The following LDLRAD3 variants were observed in gnomAD, a reference collection of about 807,000 sequenced individuals.
The protein encoded by LDLRAD3 is low density lipoprotein receptor class A domain containing 3.
In LDLRAD3, 20 loss-of-function variants were observed where a neutral mutation model predicts 29.4. The observed-to-expected ratio is 0.68, with a 90% confidence interval of 0.48 to 0.99. LDLRAD3 has a LOEUF of 0.99. LDLRAD3 is among the 50% of genes least tolerant of loss of function. The pLI is 0.00. For missense variants in LDLRAD3, 420 were observed against 454.3 expected, an observed-to-expected ratio of 0.92 and a Z score of 0.69; for synonymous variants, 157 against 192.7, an observed-to-expected ratio of 0.81 and a Z score of 1.53.
intron 1 of LDLRAD3, among the ~76,000 whole-genome samples, chr11:35,956,266 C>T (rs973941): frequency 0.45 from 67,857 of 151,984 alleles, 15,409 homozygotes; most frequent in East Asian, 0.58. Flanking sequence ...ACAGGAGGAT[C>T]GCTTGAGGCC....
At position 35,944,268 on chromosome 11, in the gene LDLRAD3, G is replaced by C; in HGVS notation, c.46+124G>C. 6 of 513,444 alleles carry C rather than the reference G, an allele frequency of 1.2e-5. No homozygotes were observed. Among genetic ancestry groups the C allele is most frequent in the Non-Finnish European group, 1.5e-5 (6 of 397,888 alleles). 31.8% of individuals were successfully genotyped at this position (513,444 alleles called of 1,614,324 possible). ...CCGCTCTCCGGGCGTGGGTGAGCGCGGAGGGCGGACCCCGGCGCCGGGCTG... is the reference window on the plus strand; with the variant it reads ...CCGCTCTCCGGGCGTGGGTGAGCGCCGAGGGCGGACCCCGGCGCCGGGCTG... On this transcript the variant is annotated intron_variant, in intron 1 of 5. Transcript: ENST00000315571. The surrounding 1 kb of genome is among the most constrained non-coding windows in gnomAD (Gnocchi z 4.9).
chr11:35,960,184 T>C (rs1851258346), intron 1 of LDLRAD3, among the ~76,000 whole-genome samples: 1 of 152,176 alleles, frequency 6.6e-6, no homozygotes, highest in Admixed American at 6.5e-5. Flanking sequence ...TTGAGTTCCA[T>C]CCCATTTATA....
chr11:36,176,630 T>C (rs1854679520), intron 4 of LDLRAD3, among the ~76,000 whole-genome samples: 1 of 152,192 alleles, frequency 6.6e-6, no homozygotes, highest in African/African-American at 2.4e-5. Flanking sequence ...TTAATCAGGC[T>C]AAAGCTAGGA....
chr11:36,061,152 C>A (rs955275632), intron 2 of LDLRAD3, among the ~76,000 whole-genome samples: 1 of 151,200 alleles, frequency 6.6e-6, no homozygotes, highest in Non-Finnish European at 1.5e-5. Context: ...CTTTTTTTTT[C>A]CCCTGAGACA....
In LDLRAD3 at chr11:35,980,020, T is replaced by C. The variant is rs12292000; in HGVS notation, c.46+35876T>C. The stretch of plus-strand genomic sequence containing the variant: ...TCTTGTCTTTAAAATAACAATGTGA[T>C]GGAAATTATTTAAAAATGAAGCCTT... On this transcript the variant is annotated intron_variant, in intron 1 of 5. Coordinates refer to ENST00000315571, the MANE Select transcript of LDLRAD3 (RefSeq NM_174902.4). Among the ~76,000 whole-genome samples, 343 of 152,374 alleles carry C rather than the reference T, an allele frequency of 2.3e-3. 3 individuals carry two copies. Among genetic ancestry groups the C allele is most frequent in the African/African-American group, 7.9e-3 (327 of 41,592 alleles).
At chr11:36,098,065 C>A (rs746925731) in intron 3 of LDLRAD3, among the ~76,000 whole-genome samples, 13 of 152,126 alleles carry the variant, frequency 8.5e-5, no homozygotes, top group Admixed American at 2.0e-4. Flanking sequence ...TGAAAGGCAT[C>A]AATATTCAGT....
chr11:36,161,406 C>A (rs1590320795), intron 4 of LDLRAD3, among the ~76,000 whole-genome samples: 2 of 152,224 alleles, frequency 1.3e-5, no homozygotes, highest in Non-Finnish European at 2.9e-5. Flanking sequence ...GGGTGAGATA[C>A]AAACTTTTAC....
At chr11:36,134,393 A>T (rs184361283) in intron 4 of LDLRAD3, among the ~76,000 whole-genome samples, 2 of 152,230 alleles carry the variant, frequency 1.3e-5, no homozygotes, top group Non-Finnish European at 2.9e-5. Flanking sequence ...AGTTTTCCTG[A>T]TCTTATTTTT....
chr11:36,046,965 G>T (rs1852459588), intron 2 of LDLRAD3, among the ~76,000 whole-genome samples: 1 of 152,096 alleles, frequency 6.6e-6, no homozygotes, highest in Admixed American at 6.5e-5. Flanking sequence ...CCTTCATTTG[G>T]CCATTTCCAT....
At chr11:35,991,815 CA>C (rs1257737994) in intron 1 of LDLRAD3, among the ~76,000 whole-genome samples, 1 of 151,104 alleles carries the variant, frequency 6.6e-6, no homozygotes, top group East Asian at 1.9e-4. Flanking sequence ...TCGATAGCTA[CA>C]ATTGTAGGAG....
intron 2 of LDLRAD3, among the ~76,000 whole-genome samples, chr11:36,055,371 C>G (rs1852603235): frequency 1.3e-5 from 2 of 151,984 alleles, no homozygotes; most frequent in Non-Finnish European, 2.9e-5. Context: ...TCTCTCAGCC[C>G]TTGCATAGAT....
chr11:36,136,568 C>T (rs1854006993), intron 4 of LDLRAD3, among the ~76,000 whole-genome samples: 1 of 152,130 alleles, frequency 6.6e-6, no homozygotes, highest in South Asian at 2.1e-4. Context: ...CTGCTTTCAC[C>T]ATGTGACATG....
chr11:36,009,273 A>G (rs964618979), intron 1 of LDLRAD3, among the ~76,000 whole-genome samples: 1 of 152,034 alleles, frequency 6.6e-6, no homozygotes, highest in Non-Finnish European at 1.5e-5. Context: ...TTTTGCTCTG[A>G]GACAGACCTT....
intron 1 of LDLRAD3, among the ~76,000 whole-genome samples, chr11:35,977,327 C>T (rs1851488515): frequency 6.6e-6 from 1 of 152,184 alleles, no homozygotes; most frequent in Non-Finnish European, 1.5e-5. Context: ...CTTCTGCTTA[C>T]ATCCCATTGG....
intron 4 of LDLRAD3, among the ~76,000 whole-genome samples, chr11:36,178,906 A>G (rs1161428875): frequency 1.3e-5 from 2 of 152,192 alleles, no homozygotes; most frequent in African/African-American, 4.8e-5. Context: ...TTGTCCACCA[A>G]TTTGATTGTA....
chr11:36,081,820 C>T (rs1189472002), intron 3 of LDLRAD3, 42 bp downstream of exon 3: 3 of 1,608,526 alleles, frequency 1.9e-6, no homozygotes, highest in Admixed American at 3.3e-5. Context: ...CTTGTTCTTT[C>T]CCGCCAGCCA....
At position 36,145,275 on chromosome 11, in the gene LDLRAD3, C is replaced by T. The variant is rs1184772505; in HGVS notation, c.454+46814C>T. On this transcript the variant is annotated intron_variant, in intron 4 of 5. Transcript: ENST00000315571. The stretch of plus-strand genomic sequence containing the variant: ...AGTGGGGGGGGGTCAGCCCCCCGCC[C>T]GGCCAGCTGCCCCATCCGGGAGGTG... 4.4e-4 allele frequency among the ~76,000 whole-genome samples: 45 copies of T among 102,112 alleles called. 7 individuals are homozygous for T. Among genetic ancestry groups the T allele is most frequent in the Non-Finnish European group, 8.2e-4 (41 of 50,050 alleles). The allele number at this position is 102,112 out of a possible 152,430, so 67.0% of individuals were successfully genotyped here.
intron 4 of LDLRAD3, among the ~76,000 whole-genome samples, chr11:36,113,508 C>T (rs1853633530): frequency 6.6e-6 from 1 of 151,968 alleles, no homozygotes; most frequent in African/African-American, 2.4e-5. Flanking sequence ...AAGAAGATGA[C>T]CTGAAAGTTA....
chr11:35,998,482 T>G (rs374315033), intron 1 of LDLRAD3, among the ~76,000 whole-genome samples: 2 of 152,188 alleles, frequency 1.3e-5, no homozygotes, highest in East Asian at 3.9e-4. Flanking sequence ...CTCAGCTATG[T>G]GAAATGCTCA....
Sources: allele counts gnomAD v4.1 joint callset (sites outside exome capture counted in the v4.1 genomes callset), GRCh38; gene constraint gnomAD v4.1.1; non-coding constraint Gnocchi (gnomAD v3.1); transcripts MANE v1.5; gene names NCBI Gene and HGNC (gene_info 2026-07-23, HGNC 2026-07-21).